The following DNAH9 variants were observed in gnomAD, a reference collection of about 807,000 sequenced individuals.
The protein encoded by DNAH9 is DNAH9 variant protein.
A neutral mutation model predicts 471.6 loss-of-function variants in DNAH9; 345 were observed. The observed-to-expected ratio is 0.73, with a 90% CI of 0.67 to 0.80. The LOEUF is 0.80. Among genes scored for constraint, DNAH9 ranks in the 30% least tolerant of loss-of-function variants. The pLI, the probability that DNAH9 is intolerant of heterozygous loss-of-function variation, is 0.00. For missense variants in DNAH9, 5,407 were observed against 5,609.2 expected (o/e 0.96, Z 1.15); for synonymous variants, 2,093 against 2,123.6 (o/e 0.99, Z 0.40).
intron 19 of DNAH9, among the ~76,000 whole-genome samples, chr17:11,685,105 A>G (rs537666792): frequency 6.6e-6 from 1 of 152,288 alleles, no homozygotes; most frequent in South Asian, 2.1e-4. Flanking sequence ...TTATAGCCTC[A>G]GGGACAATTT....
At position 11,713,614 on chromosome 17, in the gene DNAH9, T is replaced by C. The variant is rs368436308; in HGVS notation, c.5553-5720T>C. 8.5e-5 allele frequency among the ~76,000 whole-genome samples: 13 copies of C among 152,320 alleles called. 1 individual carries two copies. The East Asian group carries it at 1.9e-3, about 23-fold the overall frequency. ...TTGAATTTTGATGAGGTTCAACTTA[T>C]GAATTTTTATTTTATGGACCATGCA... On this transcript the variant is annotated intron_variant, in intron 26 of 68. Coordinates refer to ENST00000262442, the MANE Select transcript of DNAH9 (RefSeq NM_001372.4).
chr17:11,816,914 C>G (rs549001718), intron 45 of DNAH9, among the ~76,000 whole-genome samples: 1 of 152,182 alleles, frequency 6.6e-6, no homozygotes, highest in African/African-American at 2.4e-5. Context: ...AAAAAATTAG[C>G]CGGGTGTGGT....
At chr17:11,812,485 GA>G (rs770619889) in intron 45 of DNAH9, among the ~76,000 whole-genome samples, 1 of 151,978 alleles carries the variant, frequency 6.6e-6, no homozygotes, top group Non-Finnish European at 1.5e-5. Context: ...CCTGGCTTTG[GA>G]ATCATTGTCT....
At chr17:11,909,587 C>A (rs1306676857) in intron 61 of DNAH9, among the ~76,000 whole-genome samples, 1 of 152,048 alleles carries the variant, frequency 6.6e-6, no homozygotes, top group Admixed American at 6.6e-5. Context: ...ATGGTGCATC[C>A]CCTGATCTCA....
rs180696687 is a variant in DNAH9 at position 11,695,709 on chromosome 17, C to T, written c.4872+1262C>T. On this transcript the variant is annotated intron_variant, in intron 22 of 68. Coordinates refer to ENST00000262442, the MANE Select transcript of DNAH9 (RefSeq NM_001372.4). Reference sequence around the variant, plus strand: ...AAGGCTTGTCGAAGTACAGATTCCTCGGTCCCACTCCCACTGTTTCTGATT... The same window carrying T: ...AAGGCTTGTCGAAGTACAGATTCCTTGGTCCCACTCCCACTGTTTCTGATT... Among the ~76,000 whole-genome samples, 394 of 152,304 alleles carry T rather than the reference C, an allele frequency of 2.6e-3. 1 individual carries two copies. Among genetic ancestry groups the T allele is most frequent in the Non-Finnish European group, 4.2e-3 (289 of 68,022 alleles).
intron 53 of DNAH9, among the ~76,000 whole-genome samples, chr17:11,876,155 G>A (rs1215948406): frequency 5.3e-5 from 8 of 152,114 alleles, no homozygotes; most frequent in African/African-American, 9.7e-5. Flanking sequence ...CGTGTTTATA[G>A]CAGCATTATT....
intron 52 of DNAH9, chr17:11,873,417 G>C (rs1441233504): frequency 8.5e-5 from 13 of 152,196 alleles, no homozygotes. Context: ...TCTGGTCCCA[G>C]ATAAGAATCC....
chr17:11,887,982 T>A (rs911091884), intron 57 of DNAH9, among the ~76,000 whole-genome samples: 2 of 144,358 alleles, frequency 1.4e-5, no homozygotes, highest in African/African-American at 5.1e-5. Flanking sequence ...TATTTTATGG[T>A]TTTTTGTTTT....
chr17:11,605,349 C>A (rs747657612), intron 1 of DNAH9, among the ~76,000 whole-genome samples: 19 of 152,146 alleles, frequency 1.2e-4, no homozygotes, highest in Non-Finnish European at 2.2e-4. Context: ...AGAATATAAG[C>A]TTCATGAGGT....
intron 45 of DNAH9, among the ~76,000 whole-genome samples, chr17:11,812,414 T>C (rs896843198): frequency 6.6e-6 from 1 of 152,044 alleles, no homozygotes; most frequent in Non-Finnish European, 1.5e-5. Flanking sequence ...GTATATAGTC[T>C]ATCTACTATA....
rs750656556 is a variant in DNAH9, at chr17:11,727,884, C to A, written c.5776C>A (p.Arg1926=). 7 of 1,614,022 alleles carry A rather than the reference C, an allele frequency of 4.3e-6. No homozygotes were observed. Among genetic ancestry groups the A allele is most frequent in the Admixed American group, 1.7e-5 (1 of 60,016 alleles). ...CTGGGGCTGCTTTGATGAGTTTAATCGAATCTCCGTGGAGGTCTTGTCAGT... is the reference window on the plus strand; with the variant it reads ...CTGGGGCTGCTTTGATGAGTTTAATAGAATCTCCGTGGAGGTCTTGTCAGT... ...GAWGCFDEFN[R]ISVEVLSVVA... is the part of the protein sequence containing the mutation. Residue 1926 remains arginine, a synonymous_variant, in exon 28 of 69, where the codon CGA becomes AGA. Transcript: ENST00000262442.
intron 49 of DNAH9, among the ~76,000 whole-genome samples, chr17:11,852,814 G>GTGTGTATATA (rs1169950713): frequency 8.6e-5 from 8 of 92,676 alleles, no homozygotes; most frequent in African/African-American, 1.9e-4. Flanking sequence ...GTGTGTGTGT[G>GTGTGTATATA]TATATATATA....
chr17:11,931,003 G>A (rs1323751045), intron 63 of DNAH9, among the ~76,000 whole-genome samples: 1 of 152,096 alleles, frequency 6.6e-6, no homozygotes, highest in Non-Finnish European at 1.5e-5. Context: ...GTCCAAGCCC[G>A]TGGTGGCCAA....
chr17:11,956,245 G>C (rs953435717), intron 67 of DNAH9, among the ~76,000 whole-genome samples: 2 of 152,170 alleles, frequency 1.3e-5, no homozygotes, highest in East Asian at 3.8e-4. Flanking sequence ...ATATTACCAT[G>C]GATGAAGAGG....
rs1440840322 is a variant in DNAH9 at position 11,760,543 on chromosome 17, G to A, written c.6995+2851G>A. On this transcript the variant is annotated intron_variant, in intron 35 of 68. Coordinates refer to ENST00000262442, the MANE Select transcript of DNAH9 (RefSeq NM_001372.4). The stretch of plus-strand genomic sequence containing the variant: ...TTTATTTTTATTTTTTTTTTGAGAC[G>A]GAGTCTTGCTCTGTCGCCCAGGCTG... Among the ~76,000 whole-genome samples the A allele has an allele frequency of 4.0e-5, 6 of 151,068 alleles. No individual in the cohort carries two copies. In the East Asian group the frequency reaches 5.8e-4, roughly 15 times the overall value.
chr17:11,792,917 T>C (rs1469090533), intron 41 of DNAH9, among the ~76,000 whole-genome samples: 1 of 152,208 alleles, frequency 6.6e-6, no homozygotes, highest in Non-Finnish European at 1.5e-5. Flanking sequence ...AAAATGGATT[T>C]AGTAATAATT....
intron 41 of DNAH9, among the ~76,000 whole-genome samples, chr17:11,791,944 T>G (rs1969081072): frequency 6.6e-6 from 1 of 151,934 alleles, no homozygotes; most frequent in Non-Finnish European, 1.5e-5. Flanking sequence ...TAATAGGAAT[T>G]TTGTGAAACT....
chr17:11,723,767 A>G (rs2075104809), intron 27 of DNAH9, among the ~76,000 whole-genome samples: 2 of 151,774 alleles, frequency 1.3e-5, no homozygotes, highest in South Asian at 2.1e-4. Context: ...TCCTGGGTTC[A>G]CGTCATTCTC....
At chr17:11,605,674 A>ATTTTTTTTTTTTTTT (rs59748847) in intron 1 of DNAH9, among the ~76,000 whole-genome samples, 70 of 145,044 alleles carry the variant, frequency 4.8e-4, no homozygotes, top group African/African-American at 1.7e-3. Context: ...CAATTTTTCT[A>ATTTTTTTTTTTTTTT]TTTTTTTTTT....
Sources: allele counts gnomAD v4.1 joint callset (sites outside exome capture counted in the v4.1 genomes callset), GRCh38; gene constraint gnomAD v4.1.1; transcripts MANE v1.5; gene names NCBI Gene and HGNC (gene_info 2026-07-23, HGNC 2026-07-21).